The following MAF variants were observed in gnomAD, a reference collection of about 807,000 sequenced individuals.
MAF encodes MAF bZIP transcription factor, also known as transcription factor Maf.
A neutral mutation model predicts 22.0 loss-of-function variants in MAF; 10 were observed. That is an observed-to-expected ratio of 0.45 (90% CI 0.28 to 0.77). MAF has a LOEUF of 0.77. MAF is among the 30% of genes least tolerant of loss of function. MAF has a pLI of 0.12. For missense variants in MAF, 544 were observed against 548.4 expected, an observed-to-expected ratio of 0.99 and a Z score of 0.08; for synonymous variants, 337 against 255.8, an observed-to-expected ratio of 1.32 and a Z score of -3.03.
chr16:79,235,504 G>A, the MAF span, among the ~76,000 whole-genome samples: 5 of 151,816 alleles, frequency 3.3e-5, no homozygotes, highest in African/African-American at 1.2e-4. Context: ...AGTTTGAGGG[G>A]CAACCGCACT....
the MAF span, among the ~76,000 whole-genome samples, chr16:79,389,922 G>T: frequency 1.5e-5 from 2 of 131,318 alleles, no homozygotes; most frequent in African/African-American, 5.9e-5. Flanking sequence ...GTTGCAGTGA[G>T]CTGAGATCGT....
At chr16:79,554,644 G>C in the MAF span, among the ~76,000 whole-genome samples, 1 of 152,096 alleles carries the variant, frequency 6.6e-6, no homozygotes, top group Non-Finnish European at 1.5e-5. Flanking sequence ...AGTCTCCCAG[G>C]ATGCTCATGA....
the MAF span, among the ~76,000 whole-genome samples, chr16:79,396,546 G>T: frequency 6.6e-6 from 1 of 152,212 alleles, no homozygotes. Context: ...AAATATGAGG[G>T]TTCTAGAATG....
At chr16:79,217,722 G>C in the MAF span, among the ~76,000 whole-genome samples, 1 of 152,122 alleles carries the variant, frequency 6.6e-6, no homozygotes, top group East Asian at 1.9e-4. Context: ...AAGGTGGCCA[G>C]TTTCCACTTT....
the MAF span, among the ~76,000 whole-genome samples, chr16:79,437,344 G>A: frequency 6.6e-6 from 1 of 152,318 alleles, no homozygotes; most frequent in African/African-American, 2.4e-5. Context: ...GGAACATGAA[G>A]ACGTACATTA....
the MAF span, among the ~76,000 whole-genome samples, chr16:79,509,552 C>T: frequency 1.8e-4 from 28 of 152,340 alleles, 1 homozygote; most frequent in Admixed American, 5.2e-4. Flanking sequence ...AGACCTCTCC[C>T]GCCTCCCACC....
chr16:79,501,510 T>C, the MAF span, among the ~76,000 whole-genome samples: 1 of 152,178 alleles, frequency 6.6e-6, no homozygotes, highest in East Asian at 1.9e-4. Context: ...GAAGTCTTTA[T>C]TTTATGTCAA....
chr16:79,599,117 G>T lies in MAF; in HGVS notation c.786C>A (p.Ser262=). Residue 262 remains serine, a synonymous_variant, in exon 1 of 2, where the codon TCC becomes TCA. Coordinates refer to ENST00000326043, the MANE Select transcript of MAF (RefSeq NM_005360.5). Reference sequence around the variant, plus strand: ...CAGACATGGTCACCAGCTGCTCGTCGGAGAAGCGGTCGTCGAAGTGCAGGC... The same window carrying T: ...CAGACATGGTCACCAGCTGCTCGTCTGAGAAGCGGTCGTCGAAGTGCAGGC... ...AGGLHFDDRF[S]DEQLVTMSVR... 1 of 1,597,710 alleles carries T rather than the reference G, an allele frequency of 6.3e-7. No homozygotes were observed. Among genetic ancestry groups the T allele is most frequent in the Admixed American group, 1.7e-5 (1 of 59,506 alleles).
the MAF span, among the ~76,000 whole-genome samples, chr16:79,348,011 A>G: frequency 1.3e-5 from 2 of 152,222 alleles, no homozygotes; most frequent in Non-Finnish European, 2.9e-5. Context: ...TGTCCTTTCA[A>G]TGATGTCTCT....
chr16:79,280,416 A>G, the MAF span, among the ~76,000 whole-genome samples: 1 of 152,208 alleles, frequency 6.6e-6, no homozygotes, highest in Non-Finnish European at 1.5e-5. Flanking sequence ...TGGCAAATAC[A>G]TGTTCGCAAC....
the MAF span, among the ~76,000 whole-genome samples, chr16:79,432,460 A>G: frequency 1.3e-5 from 2 of 152,370 alleles, no homozygotes; most frequent in African/African-American, 4.8e-5. Context: ...TAGATTAACA[A>G]CATTAATTAT....
the MAF span, among the ~76,000 whole-genome samples, chr16:79,526,708 C>G: frequency 2.0e-5 from 3 of 152,162 alleles, no homozygotes; most frequent in African/African-American, 4.8e-5. Flanking sequence ...AGGGGTAACC[C>G]TGATCCGTAG....
the MAF span, among the ~76,000 whole-genome samples, chr16:79,306,214 C>T: frequency 1.3e-5 from 2 of 152,164 alleles, no homozygotes; most frequent in African/African-American, 2.4e-5. Flanking sequence ...TGCCCCAAAG[C>T]GTCAAATATC....
At chr16:79,439,005 C>G in the MAF span, among the ~76,000 whole-genome samples, 1 of 152,044 alleles carries the variant, frequency 6.6e-6, no homozygotes, top group Admixed American at 6.5e-5. Flanking sequence ...TGACTTCAGG[C>G]CTGTCCACCT....
chr16:79,563,024 G>C, the MAF span, among the ~76,000 whole-genome samples: 20 of 152,122 alleles, frequency 1.3e-4, no homozygotes, highest in Admixed American at 1.3e-3. Flanking sequence ...CCATTCATCC[G>C]TTCAGCAAAT....
At chr16:79,535,577 T>TTGC in the MAF span, among the ~76,000 whole-genome samples, 1,980 of 101,060 alleles carry the variant, frequency 0.02, 113 homozygotes, top group East Asian at 0.046. Flanking sequence ...GCATCAAGCA[T>TTGC]TGCTTCTTCT....
the MAF span, among the ~76,000 whole-genome samples, chr16:79,529,261 T>A: frequency 6.6e-6 from 1 of 152,106 alleles, no homozygotes; most frequent in Admixed American, 6.5e-5. Flanking sequence ...GGGAGGGAGA[T>A]TATACTTTGG....
chr16:79,290,240 G>A, the MAF span, among the ~76,000 whole-genome samples: 1 of 152,180 alleles, frequency 6.6e-6, no homozygotes. Context: ...TCTCCTGGGA[G>A]GCTTAGAACA....
the MAF span, among the ~76,000 whole-genome samples, chr16:79,355,097 C>T: frequency 6.6e-6 from 1 of 152,176 alleles, no homozygotes; most frequent in Non-Finnish European, 1.5e-5. Flanking sequence ...TCTATTTCAA[C>T]AGCACCGAAA....
Sources: allele counts gnomAD v4.1 joint callset (sites outside exome capture counted in the v4.1 genomes callset), GRCh38; gene constraint gnomAD v4.1.1; transcripts MANE v1.5; gene names NCBI Gene and HGNC (gene_info 2026-07-23, HGNC 2026-07-21).